The following FKTN variants were observed in gnomAD, a reference collection of about 807,000 sequenced individuals.
FKTN encodes fukutin.
FKTN carries 47 observed loss-of-function variants against 58.6 expected under a neutral mutation model. The ratio of observed to expected loss-of-function variants is 0.80; its 90% confidence interval spans 0.63 to 1.02. The LOEUF (loss-of-function observed/expected upper bound fraction) is 1.02. Ranked by LOEUF, FKTN falls within the 50% of genes least tolerant of loss-of-function variation. FKTN has a pLI of 0.00. For synonymous variants in FKTN, 178 were observed against 191.9 expected (o/e 0.93, Z 0.60); for missense variants, 516 against 537.3 (o/e 0.96, Z 0.39).
chr9:105,636,413 A>G lies in FKTN; in HGVS notation c.*1149A>G. ...TTGACAACTATTCACCCTACCTCAG[A>G]TCATAGAGTTTGTAAAGTTTGTGTC... is the stretch of plus-strand genomic sequence containing the variant. On this transcript the variant is annotated 3_prime_UTR_variant, in exon 11 of 11. Transcript: ENST00000357998. 1 of 990,830 alleles carries G rather than the reference A, an allele frequency of 1.0e-6. No homozygotes were observed. Among genetic ancestry groups the G allele is most frequent in the Non-Finnish European group, 1.2e-6 (1 of 833,002 alleles). 61.4% of individuals were successfully genotyped at this position (990,830 alleles called of 1,614,324 possible).
chr9:105,566,312 C>A (rs1839598519), intron 1 of FKTN, among the ~76,000 whole-genome samples: 1 of 151,998 alleles, frequency 6.6e-6, no homozygotes, highest in Non-Finnish European at 1.5e-5. Flanking sequence ...AGCGGAACTG[C>A]AGGAGATACA....
rs949463520 is a variant in FKTN, at chr9:105,575,745, T to G, written c.105+608T>G. Among the ~76,000 whole-genome samples the G allele has an allele frequency of 3.3e-5, 5 of 152,108 alleles. No individual in the cohort carries two copies. In the East Asian group the frequency reaches 9.6e-4, roughly 29 times the overall value. On this transcript the variant is annotated intron_variant, in intron 3 of 10. Transcript: ENST00000357998. ...CTCAGTTTAGTCCTAAAAACAATCA[T>G]GGGGAAGAAAAAAAATTTTTTTTGT...
chr9:105,614,228 T>G (rs1375771562), intron 7 of FKTN, among the ~76,000 whole-genome samples: 3 of 152,086 alleles, frequency 2.0e-5, no homozygotes, highest in Non-Finnish European at 4.4e-5. Flanking sequence ...ACGAAGAGAA[T>G]CAGAAAACCA....
At position 105,568,317 on chromosome 9, in the gene FKTN, C is replaced by T. The variant is rs1361906328; in HGVS notation, c.-180-5338C>T. The stretch of plus-strand genomic sequence containing the variant: ...GGGAGCTAATTAAACTGAAGAGCTT[C>T]TGCATAGCAAAAGAAACTACCATCA... On this transcript the variant is annotated intron_variant, in intron 1 of 10. Transcript: ENST00000357998. Among the ~76,000 whole-genome samples, 4 of 152,270 alleles carry T rather than the reference C, an allele frequency of 2.6e-5. No homozygotes were observed. The East Asian group carries it at 7.7e-4, about 29-fold the overall frequency.
At chr9:105,563,600 G>GT (rs1033821010) in intron 1 of FKTN, among the ~76,000 whole-genome samples, 48 of 82,500 alleles carry the variant, frequency 5.8e-4, no homozygotes, top group African/African-American at 1.8e-3. Context: ...AGCGAGGCTG[G>GT]GGGGGGGGGC....
intron 5 of FKTN, 138 bp from the exon 6 acceptor site, chr9:105,604,077 T>C: frequency 2.4e-6 from 2 of 824,252 alleles, no homozygotes; most frequent in South Asian, 2.9e-5. Flanking sequence ...TTAAAAAATG[T>C]TCTTACAGAG....
At chr9:105,589,433 C>T (rs1844463539) in intron 3 of FKTN, among the ~76,000 whole-genome samples, 1 of 148,210 alleles carries the variant, frequency 6.7e-6, no homozygotes, top group Admixed American at 6.8e-5. Context: ...ACCCAGGAGG[C>T]GGAGGTTGCA....
At chr9:105,571,522 GAATT>G (rs1840731680) in intron 1 of FKTN, among the ~76,000 whole-genome samples, 2 of 152,110 alleles carry the variant, frequency 1.3e-5, no homozygotes, top group African/African-American at 4.8e-5. Context: ...TATTTTATAA[GAATT>G]AGTTGTAAAC....
intron 10 of FKTN, among the ~76,000 whole-genome samples, chr9:105,627,548 A>G (rs1832892787): frequency 6.6e-6 from 1 of 152,126 alleles, no homozygotes; most frequent in Non-Finnish European, 1.5e-5. Context: ...AGGATACCAC[A>G]TTGCATTTAG....
intron 3 of FKTN, among the ~76,000 whole-genome samples, chr9:105,578,066 T>C (rs981440567): frequency 3.3e-5 from 5 of 152,062 alleles, no homozygotes. Context: ...AAGGAGATTT[T>C]AGGCTGAGAC....
At chr9:105,584,469 A>C (rs918848631) in intron 3 of FKTN, among the ~76,000 whole-genome samples, 1 of 152,126 alleles carries the variant, frequency 6.6e-6, no homozygotes, top group Admixed American at 6.6e-5. Context: ...TACTTTTGAT[A>C]ATAGGTAGAC....
At chr9:105,586,087 G>A (rs1489199473) in intron 3 of FKTN, among the ~76,000 whole-genome samples, 1 of 152,180 alleles carries the variant, frequency 6.6e-6, no homozygotes, top group Non-Finnish European at 1.5e-5. Flanking sequence ...GGAGTTTAAG[G>A]AGACTTACTT....
intron 7 of FKTN, among the ~76,000 whole-genome samples, chr9:105,611,155 G>A (rs1275165796): frequency 6.6e-6 from 1 of 152,080 alleles, no homozygotes; most frequent in African/African-American, 2.4e-5. Flanking sequence ...GGTACCTTCT[G>A]TCATCTTATT....
chr9:105,618,552 A>C, intron 9 of FKTN, among the ~76,000 whole-genome samples: 1 of 152,326 alleles, frequency 6.6e-6, no homozygotes, highest in South Asian at 2.1e-4. Flanking sequence ...AAGGGATAGA[A>C]ATATAGAATC....
chr9:105,627,280 T>C (rs1832864536), intron 10 of FKTN, among the ~76,000 whole-genome samples: 1 of 152,136 alleles, frequency 6.6e-6, no homozygotes, highest in Non-Finnish European at 1.5e-5. Flanking sequence ...CCTTCTTTAC[T>C]CTCTTAATAG....
intron 3 of FKTN, among the ~76,000 whole-genome samples, chr9:105,576,246 C>T (rs1176037417): frequency 2.0e-5 from 3 of 150,692 alleles, no homozygotes; most frequent in East Asian, 2.0e-4. Flanking sequence ...ATACATTTGC[C>T]GTGCTGGTGT....
chr9:105,625,225 G>T (rs746232740), intron 10 of FKTN, among the ~76,000 whole-genome samples: 29 of 152,282 alleles, frequency 1.9e-4, no homozygotes, highest in Middle Eastern at 3.4e-3. Context: ...GGAAAAAAAC[G>T]TGTAAAGAGT....
At chr9:105,614,108 A>T (rs185340493) in intron 7 of FKTN, among the ~76,000 whole-genome samples, 14 of 152,314 alleles carry the variant, frequency 9.2e-5, no homozygotes, top group African/African-American at 3.1e-4. Flanking sequence ...CAGGAACCAG[A>T]ACACAGTGTT....
chr9:105,638,935 A>G lies in FKTN; in HGVS notation c.*3671A>G, dbSNP rs1340899615. On this transcript the variant is annotated 3_prime_UTR_variant, in exon 11 of 11. Transcript: ENST00000357998. ...AGCAGGAATTTATACATTGGGTACC[A>G]GAGCTAAATCTGGAAAACACATTTG... is the stretch of plus-strand genomic sequence containing the variant. 1.0e-6 allele frequency: 1 copy of G among 985,394 alleles called. No homozygotes were observed. The highest frequency in any genetic ancestry group is 4.7e-5 in the South Asian group (1 of 21,286). 61.0% of individuals were successfully genotyped at this position (985,394 alleles called of 1,614,324 possible).
Sources: gnomAD v4.1 joint callset for allele counts (sites outside exome capture counted in the v4.1 genomes callset) on GRCh38, gnomAD v4.1.1 for gene constraint, MANE v1.5 for transcripts, NCBI Gene and HGNC (gene_info 2026-07-23, HGNC 2026-07-21) for gene names.